PCDHGA3: variants seen among roughly 807,000 people sequenced by gnomAD.
PCDHGA3 encodes protocadherin gamma subfamily A, 3.
PCDHGA3 carries 40 observed loss-of-function variants against 58.5 expected under a neutral mutation model. The ratio of observed to expected loss-of-function variants is 0.68; its 90% CI spans 0.53 to 0.89. The LOEUF (loss-of-function observed/expected upper bound fraction) is 0.89. Among genes scored for constraint, PCDHGA3 ranks in the 40% least tolerant of loss-of-function variants. The probability of loss-of-function intolerance (pLI) is 0.00; values close to 1 mark genes in which losing one functional copy is unlikely to be tolerated. For missense variants in PCDHGA3, 1,223 were observed against 1,195.9 expected (o/e 1.02, Z -0.33); for synonymous variants, 530 against 525.7 (o/e 1.01, Z -0.11).
chr5:141,384,217 A>G lies in PCDHGA3; in HGVS notation c.2424+37760A>G, dbSNP rs1026607669. 6 of 1,613,776 alleles carry G rather than the reference A, an allele frequency of 3.7e-6. No homozygotes were observed. The African/African-American group carries it at 8.0e-5, about 22-fold the overall frequency. On this transcript the variant is annotated intron_variant, in intron 1 of 3. Coordinates refer to ENST00000253812, the MANE Select transcript of PCDHGA3 (RefSeq NM_018916.4). The stretch of plus-strand genomic sequence containing the variant: ...CTTGTCCAGGGAAACTCACATATTC[A>G]TGCAGGTGGCAGACACCAACGATAA...
chr5:141,433,064 A>T, intron 1 of PCDHGA3: 1 of 1,614,064 alleles, frequency 6.2e-7, no homozygotes, highest in Non-Finnish European at 8.5e-7. Context: ...GAGTCACCTG[A>T]TCTTCCCCCA....
Position 141,477,310 on chromosome 5 carries a change from C to T in PCDHGA3, c.2425-17497C>T. On this transcript the variant is annotated intron_variant, in intron 1 of 3. Coordinates refer to ENST00000253812, the MANE Select transcript of PCDHGA3 (RefSeq NM_018916.4). This position sits in a 1 kb window ranked among gnomAD's most constrained non-coding sequence, Gnocchi z 4.9. ...AAGTTCCACCGGGTCTCCCTTTCAGCCTTACTTCTTCCCTCAAGAATTACT... is the reference window on the plus strand; with the variant it reads ...AAGTTCCACCGGGTCTCCCTTTCAGTCTTACTTCTTCCCTCAAGAATTACT... The T allele has an allele frequency of 6.2e-7, 1 of 1,614,154 alleles. No homozygotes were observed. Among genetic ancestry groups the T allele is most frequent in the Non-Finnish European group, 8.5e-7 (1 of 1,180,018 alleles).
intron 1 of PCDHGA3, chr5:141,400,076 T>A: frequency 6.2e-7 from 1 of 1,613,932 alleles, no homozygotes; most frequent in Non-Finnish European, 8.5e-7. Context: ...CAGCCGCCAC[T>A]CTCCGCCACC....
At chr5:141,418,987 A>T (rs1244429131) in intron 1 of PCDHGA3, 2 of 1,613,856 alleles carry the variant, frequency 1.2e-6, no homozygotes, top group Non-Finnish European at 1.7e-6. Flanking sequence ...ACCAAGACTC[A>T]GGGGAAAATG....
chr5:141,407,618 T>C (rs2094961239), intron 1 of PCDHGA3, among the ~76,000 whole-genome samples: 1 of 152,204 alleles, frequency 6.6e-6, no homozygotes, highest in South Asian at 2.1e-4. Context: ...TTGGTTGACA[T>C]TCTATATCTC....
chr5:141,394,085 C>T, intron 1 of PCDHGA3: 3 of 1,613,886 alleles, frequency 1.9e-6, no homozygotes, highest in Non-Finnish European at 2.5e-6. Flanking sequence ...CAGTGATGGC[C>T]TCAGATCTAG....
chr5:141,428,561 A>G (rs879118525), intron 1 of PCDHGA3: 16 of 238,202 alleles, frequency 6.7e-5, no homozygotes, highest in South Asian at 5.9e-4. Context: ...GTCCCCCCAC[A>G]AGATCTTTCT....
chr5:141,352,783 A>C, intron 1 of PCDHGA3: 1 of 1,089,618 alleles, frequency 9.2e-7, no homozygotes, highest in Non-Finnish European at 1.3e-6. Context: ...TGAGGTCAGG[A>C]GTTTGAGACC....
At chr5:141,383,932 C>G in intron 1 of PCDHGA3, 3 of 1,613,794 alleles carry the variant, frequency 1.9e-6, no homozygotes, top group Non-Finnish European at 2.5e-6. Flanking sequence ...TGATAATGCT[C>G]CAGAAGTGAC....
chr5:141,408,641 T>C, intron 1 of PCDHGA3: 1 of 1,614,034 alleles, frequency 6.2e-7, no homozygotes, highest in Non-Finnish European at 8.5e-7. Context: ...CGAATCTGCA[T>C]CCGCTGGTAC....
Position 141,346,397 on chromosome 5 carries a change from C to T in PCDHGA3, c.2364C>T (p.Ser788=), listed in dbSNP as rs1757748089. The T allele has an allele frequency of 6.2e-7, 1 of 1,614,212 alleles. No homozygotes were observed. Among genetic ancestry groups the T allele is most frequent in the Non-Finnish European group, 8.5e-7 (1 of 1,180,034 alleles). ...TLISQESCEK[S]EPLLITQDLL... ...TCAGCCAGGAGAGCTGTGAGAAAAG[C>T]GAGCCTCTTCTGATAACTCAGGATT... Residue 788 remains serine (S), a synonymous_variant, in exon 1 of 4, where the codon AGC becomes AGT. Coordinates refer to ENST00000253812, the MANE Select transcript of PCDHGA3 (RefSeq NM_018916.4).
intron 1 of PCDHGA3, among the ~76,000 whole-genome samples, chr5:141,446,167 G>A (rs1357034077): frequency 6.6e-6 from 1 of 152,188 alleles, no homozygotes; most frequent in African/African-American, 2.4e-5. Flanking sequence ...ATTTCATGAG[G>A]GCAGGGGGTG....
chr5:141,364,997 T>A, intron 1 of PCDHGA3: 1 of 1,613,852 alleles, frequency 6.2e-7, no homozygotes. Context: ...CCCGGTACTC[T>A]CCGGCACCAC....
At chr5:141,392,833 G>A (rs750632906) in intron 1 of PCDHGA3, 39 of 1,604,260 alleles carry the variant, frequency 2.4e-5, no homozygotes, top group Non-Finnish European at 2.8e-5. Context: ...CCACAGAGTC[G>A]CCCCAGACGC....
At position 141,352,945 on chromosome 5, in the gene PCDHGA3, G is replaced by A. The variant is rs537480440; in HGVS notation, c.2424+6488G>A. ...GGAGATTGTAGTGAGCCAAGAGTGT[G>A]CCACTGCACTCCAGCCTGGGTGATG... On this transcript the variant is annotated intron_variant, in intron 1 of 3. Coordinates refer to ENST00000253812, the MANE Select transcript of PCDHGA3 (RefSeq NM_018916.4). Among the ~76,000 whole-genome samples the A allele has an allele frequency of 1.8e-4, 27 of 152,312 alleles. No individual in the cohort carries two copies. In the Middle Eastern group the frequency reaches 0.014, roughly 77 times the overall value.
At chr5:141,430,084 A>G (rs538721051) in intron 1 of PCDHGA3, among the ~76,000 whole-genome samples, 2 of 152,292 alleles carry the variant, frequency 1.3e-5, no homozygotes, top group Admixed American at 1.3e-4. Context: ...AATATCATGA[A>G]AATTTGATTT....
At chr5:141,359,403 T>A (rs537234206) in intron 1 of PCDHGA3, among the ~76,000 whole-genome samples, 7 of 152,150 alleles carry the variant, frequency 4.6e-5, no homozygotes, top group South Asian at 4.2e-4. Flanking sequence ...TCAAATTTTT[T>A]AAAAAATGTG....
chr5:141,353,604 A>C (rs1305841029), intron 1 of PCDHGA3, among the ~76,000 whole-genome samples: 1 of 152,204 alleles, frequency 6.6e-6, no homozygotes, highest in East Asian at 1.9e-4. Context: ...TTTCTTAACC[A>C]TTCCTAAATT....
intron 1 of PCDHGA3, among the ~76,000 whole-genome samples, chr5:141,358,682 T>A (rs770893942): frequency 6.6e-6 from 1 of 152,214 alleles, no homozygotes. Flanking sequence ...AAATTGCTTA[T>A]CATGACATCA....
Sources: allele counts gnomAD v4.1 joint callset (sites outside exome capture counted in the v4.1 genomes callset), GRCh38; gene constraint gnomAD v4.1.1; non-coding constraint Gnocchi (gnomAD v3.1); transcripts MANE v1.5; gene names NCBI Gene and HGNC (gene_info 2026-07-23, HGNC 2026-07-21).